The following DST variants were observed in gnomAD, a reference collection of about 807,000 sequenced individuals.
DST encodes the protein bullous pemphigoid antigen.
In DST, 253 loss-of-function variants were observed where a neutral mutation model predicts 875.2. The observed-to-expected ratio is 0.29, with a 90% CI of 0.26 to 0.32. The LOEUF (loss-of-function observed/expected upper bound fraction) is 0.32, where lower values mean the gene tolerates loss of function less well. DST is among the 10% of genes least tolerant of loss of function. DST has a pLI of 1.00. For synonymous variants in DST, 3,124 were observed against 3,197.1 expected, an observed-to-expected ratio of 0.98 and a Z score of 0.77; for missense variants, 8,287 against 9,111.6, an observed-to-expected ratio of 0.91 and a Z score of 3.68.
chr6:56,835,609 A>G (rs1242027909), intron 4 of DST, among the ~76,000 whole-genome samples: 2 of 152,210 alleles, frequency 1.3e-5, no homozygotes, highest in African/African-American at 2.4e-5. Context: ...CTACCTACAT[A>G]ATCTCTACTG....
chr6:56,883,332 T>A (rs1249604068), intron 3 of DST, among the ~76,000 whole-genome samples: 4 of 152,246 alleles, frequency 2.6e-5, no homozygotes, highest in Non-Finnish European at 4.4e-5. Flanking sequence ...ATTATTTGTT[T>A]AAGTTTTAAA....
chr6:56,480,940 T>C (rs961416669), intron 90 of DST, among the ~76,000 whole-genome samples: 3 of 152,228 alleles, frequency 2.0e-5, no homozygotes, highest in African/African-American at 7.2e-5. Flanking sequence ...TAATATAAAC[T>C]ACATTTTCAA....
At chr6:56,689,587 G>A (rs1292584544) in intron 9 of DST, among the ~76,000 whole-genome samples, 1 of 152,088 alleles carries the variant, frequency 6.6e-6, no homozygotes, top group African/African-American at 2.4e-5. Flanking sequence ...TCTCCTGCAG[G>A]GACCCTGGGG....
Position 56,751,398 on chromosome 6 carries a change from T to C in DST, c.626-16109A>G, listed in dbSNP as rs139381369. 2.4e-3 allele frequency among the ~76,000 whole-genome samples: 369 copies of C among 152,326 alleles called. 1 individual carries two copies. Among genetic ancestry groups the C allele is most frequent in the Admixed American group, 5.6e-3 (86 of 15,304 alleles). ...TGTAGGTGGTAAGATAATCAGTAAT[T>C]TTTATTTTCATCTTTTTTCTTCCAA... On this transcript the variant is annotated intron_variant, in intron 4 of 103. Coordinates refer to ENST00000680361, the MANE Select transcript of DST (RefSeq NM_001374736.1).
chr6:56,506,136 A>T (rs987743420), intron 77 of DST, among the ~76,000 whole-genome samples: 2 of 152,218 alleles, frequency 1.3e-5, no homozygotes, highest in Non-Finnish European at 2.9e-5. Context: ...CCATTTATAA[A>T]AAACACTGTG....
At chr6:56,932,584 T>A (rs1203636128) in intron 2 of DST, among the ~76,000 whole-genome samples, 2 of 152,158 alleles carry the variant, frequency 1.3e-5, no homozygotes, top group Non-Finnish European at 2.9e-5. Context: ...TTCTCAAATA[T>A]GCCTGGTAAC....
At chr6:56,681,504 C>T (rs534863426) in intron 9 of DST, among the ~76,000 whole-genome samples, 1 of 152,312 alleles carries the variant, frequency 6.6e-6, no homozygotes, top group East Asian at 1.9e-4. Context: ...GAGGAAGCCC[C>T]AGCTGATTCT....
chr6:56,740,912 A>G (rs886130535), intron 4 of DST, among the ~76,000 whole-genome samples: 6 of 152,108 alleles, frequency 3.9e-5, no homozygotes, highest in African/African-American at 7.2e-5. Flanking sequence ...AAAAAAATTA[A>G]TAATATATTA....
chr6:56,831,321 T>A (rs945948962), intron 4 of DST, among the ~76,000 whole-genome samples: 2 of 152,220 alleles, frequency 1.3e-5, no homozygotes, highest in Non-Finnish European at 2.9e-5. Flanking sequence ...GCAAAATCTA[T>A]CTTGTTTATA....
intron 4 of DST, among the ~76,000 whole-genome samples, chr6:56,766,765 A>C (rs931541191): frequency 1.2e-4 from 18 of 152,158 alleles, no homozygotes; most frequent in African/African-American, 4.3e-4. Flanking sequence ...TCCTGACCTC[A>C]GGTGATCCAC....
intron 87 of DST, 41 bp from the exon 88 acceptor site, chr6:56,485,512 A>C (rs769550145): frequency 1.3e-6 from 2 of 1,585,562 alleles, no homozygotes; most frequent in African/African-American, 2.7e-5. Context: ...GCAACAAAAA[A>C]CGTCACTCAT....
intron 61 of DST, among the ~76,000 whole-genome samples, chr6:56,549,060 T>C (rs2097275364): frequency 1.3e-5 from 2 of 152,208 alleles, no homozygotes; most frequent in South Asian, 4.1e-4. Context: ...TATTAACAGC[T>C]ATTTCTTGAA....
At chr6:56,512,223 C>T (rs1343057179) in intron 72 of DST, among the ~76,000 whole-genome samples, 1 of 152,166 alleles carries the variant, frequency 6.6e-6, no homozygotes, top group Non-Finnish European at 1.5e-5. Flanking sequence ...ATTTTGCTAG[C>T]TAATCAAGAA....
chr6:56,941,080 G>T (rs1242004089), intron 2 of DST, among the ~76,000 whole-genome samples: 1 of 151,946 alleles, frequency 6.6e-6, no homozygotes, highest in Non-Finnish European at 1.5e-5. Flanking sequence ...CTTATTTTGT[G>T]TTTAGTTTGC....
At chr6:56,872,833 T>C (rs866444164) in intron 3 of DST, among the ~76,000 whole-genome samples, 1,137 of 75,794 alleles carry the variant, frequency 0.015, 6 homozygotes, top group Non-Finnish European at 0.024. Context: ...CCCCCCCCCC[T>C]TTTTTTTTTT....
At chr6:56,697,946 C>T (rs917256907) in intron 9 of DST, among the ~76,000 whole-genome samples, 8 of 152,316 alleles carry the variant, frequency 5.3e-5, no homozygotes, top group Middle Eastern at 3.4e-3. Flanking sequence ...TGGTTCTGCG[C>T]TTCATGCCAA....
At chr6:56,471,715 C>A in intron 94 of DST, 2 of 382,828 alleles carry the variant, frequency 5.2e-6, no homozygotes, top group South Asian at 4.7e-5. Flanking sequence ...CAAATACACA[C>A]AATCAAAAGA....
rs150163941 is a variant in DST, at chr6:56,820,520, C to A, written c.625+30877G>T. On this transcript the variant is annotated intron_variant, in intron 4 of 103. Transcript: ENST00000680361. ...CTTTACATTTGCTATTATCTTTACA[C>A]GAGTTTGTTTACATCTAGTCCATCT... Among the ~76,000 whole-genome samples the A allele has an allele frequency of 9.0e-3, 1,371 of 152,242 alleles. 17 individuals carry two copies. The highest frequency in any genetic ancestry group is 0.03 in the African/African-American group (1,259 of 41,554).
At chr6:56,700,320 A>G (rs775733141) in intron 8 of DST, among the ~76,000 whole-genome samples, 15 of 152,218 alleles carry the variant, frequency 9.9e-5, no homozygotes, top group Non-Finnish European at 1.9e-4. Flanking sequence ...GTTCTAGAGC[A>G]AGTACTAAAA....
Sources: gnomAD v4.1 joint callset for allele counts (sites outside exome capture counted in the v4.1 genomes callset) on GRCh38, gnomAD v4.1.1 for gene constraint, MANE v1.5 for transcripts, NCBI Gene and HGNC (gene_info 2026-07-23, HGNC 2026-07-21) for gene names.